Variants in QTMAN observed in about 807,000 individuals in gnomAD.
QTMAN encodes the protein queuosine-tRNA mannosyltransferase.
the QTMAN span, among the ~76,000 whole-genome samples, chr2:144,330,812 C>T: frequency 6.6e-6 from 1 of 152,316 alleles, no homozygotes; most frequent in East Asian, 1.9e-4. Flanking sequence ...TCAGCTCCTG[C>T]TAAATCTCAT....
the QTMAN span, among the ~76,000 whole-genome samples, chr2:144,080,417 A>G: frequency 1.3e-5 from 2 of 152,168 alleles, no homozygotes; most frequent in African/African-American, 2.4e-5. Flanking sequence ...AACCTGAGCA[A>G]TCTCTCAGAT....
At chr2:144,134,088 C>T in the QTMAN span, among the ~76,000 whole-genome samples, 2 of 152,254 alleles carry the variant, frequency 1.3e-5, no homozygotes, top group African/African-American at 2.4e-5. Flanking sequence ...AAAAGTTTTC[C>T]GTGGGGAGCC....
At chr2:144,197,599 C>T in the QTMAN span, among the ~76,000 whole-genome samples, 3 of 151,954 alleles carry the variant, frequency 2.0e-5, no homozygotes, top group Non-Finnish European at 4.4e-5. Flanking sequence ...TAATTTATAT[C>T]CCAAATCCTT....
the QTMAN span, among the ~76,000 whole-genome samples, chr2:144,059,692 C>G: frequency 1.3e-5 from 2 of 152,126 alleles, no homozygotes; most frequent in Non-Finnish European, 2.9e-5. Flanking sequence ...AATGCAAACT[C>G]ATCACTAAGA....
At chr2:143,997,849 C>T in the QTMAN span, among the ~76,000 whole-genome samples, 2 of 151,928 alleles carry the variant, frequency 1.3e-5, no homozygotes, top group African/African-American at 4.8e-5. Context: ...CCCATGCTAC[C>T]TTAAGTGCCT....
At chr2:144,136,619 A>C in the QTMAN span, among the ~76,000 whole-genome samples, 1 of 152,068 alleles carries the variant, frequency 6.6e-6, no homozygotes, top group Non-Finnish European at 1.5e-5. Context: ...TGACAATTAC[A>C]TGACCTAAAG....
the QTMAN span, among the ~76,000 whole-genome samples, chr2:144,216,860 A>T: frequency 6.6e-6 from 1 of 152,174 alleles, no homozygotes; most frequent in African/African-American, 2.4e-5. Context: ...TTATCATCCT[A>T]GTTTAATTTG....
the QTMAN span, among the ~76,000 whole-genome samples, chr2:144,168,731 T>C: frequency 6.6e-6 from 1 of 152,146 alleles, no homozygotes; most frequent in Non-Finnish European, 1.5e-5. Context: ...ACATCCTTTT[T>C]AGTTGTCTAA....
the QTMAN span, among the ~76,000 whole-genome samples, chr2:144,234,111 G>T: frequency 2.0e-5 from 3 of 152,092 alleles, no homozygotes; most frequent in South Asian, 4.1e-4. Context: ...CTGATGAAAA[G>T]ATTATAACAT....
chr2:144,137,311 T>C, the QTMAN span, among the ~76,000 whole-genome samples: 1 of 152,170 alleles, frequency 6.6e-6, no homozygotes, highest in Non-Finnish European at 1.5e-5. Context: ...TGGAGAAATG[T>C]CTGCAGGGGT....
the QTMAN span, among the ~76,000 whole-genome samples, chr2:143,978,019 GA>G: frequency 6.6e-6 from 1 of 152,152 alleles, no homozygotes; most frequent in East Asian, 1.9e-4. Context: ...TTATTGACAA[GA>G]AAGTTTTCAA....
chr2:144,225,322 A>G, the QTMAN span, among the ~76,000 whole-genome samples: 147 of 152,260 alleles, frequency 9.7e-4, 5 homozygotes, highest in South Asian at 0.029. Flanking sequence ...ATCATCTTCA[A>G]CATGAGCTAT....
the QTMAN span, among the ~76,000 whole-genome samples, chr2:144,019,438 GTGTGT>G: frequency 5.0e-4 from 46 of 91,772 alleles, no homozygotes; most frequent in Non-Finnish European, 2.2e-4. Flanking sequence ...GCATGCAGGT[GTGTGT>G]GTGTGTGTGT....
At chr2:143,965,955 T>G in the QTMAN span, among the ~76,000 whole-genome samples, 2 of 152,190 alleles carry the variant, frequency 1.3e-5, no homozygotes, top group African/African-American at 4.8e-5. Flanking sequence ...GGCAATGAAA[T>G]AGTTGTCCCT....
chr2:144,254,216 G>C, the QTMAN span, among the ~76,000 whole-genome samples: 1 of 152,222 alleles, frequency 6.6e-6, no homozygotes, highest in East Asian at 1.9e-4. Context: ...GAGGTCAGGA[G>C]TTCAAGACCA....
At chr2:143,952,042 A>C in the QTMAN span, 1 of 1,606,168 alleles carries the variant, frequency 6.2e-7, no homozygotes, top group South Asian at 1.1e-5. Context: ...GCCTTTTTGA[A>C]AGCTGTTCAG....
the QTMAN span, chr2:144,208,943 T>A: frequency 2.0e-6 from 1 of 505,346 alleles, no homozygotes; most frequent in Non-Finnish European, 3.4e-6. Context: ...GCTTATCCCA[T>A]TATTTAAATA....
chr2:143,959,199 T>A, the QTMAN span, among the ~76,000 whole-genome samples: 1 of 152,220 alleles, frequency 6.6e-6, no homozygotes, highest in East Asian at 1.9e-4. Flanking sequence ...TTCTGTTATA[T>A]TTTTCAGTTA....
chr2:144,177,834 T>A, the QTMAN span, among the ~76,000 whole-genome samples: 1 of 152,166 alleles, frequency 6.6e-6, no homozygotes, highest in African/African-American at 2.4e-5. Context: ...CATTAAAAAA[T>A]AAAACTGAAA....
Sources: gnomAD v4.1 joint callset for allele counts (sites outside exome capture counted in the v4.1 genomes callset) on GRCh38, gnomAD v4.1.1 for gene constraint, MANE v1.5 for transcripts, NCBI Gene and HGNC (gene_info 2026-07-23, HGNC 2026-07-21) for gene names.